Variants in UGT8 observed in about 807,000 individuals in gnomAD.
The protein encoded by UGT8 is UDP glycosyltransferase 8, also known as 2-hydroxyacylsphingosine 1-beta-galactosyltransferase.
Under a neutral mutation model 40.5 loss-of-function variants are expected in UGT8, and 12 were observed. The ratio of observed to expected loss-of-function variants is 0.30; its 90% CI spans 0.19 to 0.48. The LOEUF (loss-of-function observed/expected upper bound fraction) is 0.48, where lower values mean the gene tolerates loss of function less well. Among genes scored for constraint, UGT8 ranks in the 20% least tolerant of loss-of-function variants. UGT8 has a pLI of 0.99. For synonymous variants in UGT8, 224 were observed against 240.4 expected (o/e 0.93, Z 0.63); for missense variants, 513 against 648.7 (o/e 0.79, Z 2.27).
intron 2 of UGT8, among the ~76,000 whole-genome samples, chr4:114,637,236 C>G (rs1199229796): frequency 1.3e-5 from 2 of 152,154 alleles, no homozygotes; most frequent in African/African-American, 4.8e-5. Flanking sequence ...CATCTCACAT[C>G]TCACGGTCTT....
chr4:114,620,195 C>A (rs79141935), intron 1 of UGT8, among the ~76,000 whole-genome samples: 5 of 152,138 alleles, frequency 3.3e-5, no homozygotes, highest in Non-Finnish European at 7.4e-5. Flanking sequence ...GTAGTTTTAA[C>A]TGTAACTGAA....
At chr4:114,630,511 C>T (rs1211094382) in intron 2 of UGT8, among the ~76,000 whole-genome samples, 3 of 152,118 alleles carry the variant, frequency 2.0e-5, no homozygotes, top group Admixed American at 6.5e-5. Context: ...TTCTTATTTT[C>T]CACATGCTGA....
intron 2 of UGT8, chr4:114,656,849 A>G (rs1194285812): frequency 7.8e-6 from 4 of 510,352 alleles, no homozygotes; most frequent in Non-Finnish European, 1.6e-5. Context: ...CCCCATATCT[A>G]CTTACTGTAG....
intron 2 of UGT8, among the ~76,000 whole-genome samples, chr4:114,649,957 T>A (rs940479150): frequency 2.0e-5 from 3 of 152,240 alleles, no homozygotes; most frequent in African/African-American, 7.2e-5. Flanking sequence ...TAAACACTGA[T>A]ATAAAATTAT....
chr4:114,638,920 TG>T (rs1438847964), intron 2 of UGT8, among the ~76,000 whole-genome samples: 1 of 152,210 alleles, frequency 6.6e-6, no homozygotes, highest in Non-Finnish European at 1.5e-5. Flanking sequence ...TTTCCTAATA[TG>T]GTGGGGATCT....
intron 2 of UGT8, among the ~76,000 whole-genome samples, chr4:114,640,337 T>C (rs1462045133): frequency 6.6e-6 from 1 of 152,074 alleles, no homozygotes; most frequent in Non-Finnish European, 1.5e-5. Context: ...GCCAAAAATA[T>C]GTTTTTTAGA....
At chr4:114,607,785 TG>T (rs954040042) in intron 1 of UGT8, among the ~76,000 whole-genome samples, 23 of 152,150 alleles carry the variant, frequency 1.5e-4, no homozygotes, top group African/African-American at 5.5e-4. Context: ...ATGTCCTTCA[TG>T]AAGACCTTCT....
At chr4:114,613,994 T>C (rs1256174785) in intron 1 of UGT8, among the ~76,000 whole-genome samples, 1 of 152,190 alleles carries the variant, frequency 6.6e-6, no homozygotes, top group Non-Finnish European at 1.5e-5. Context: ...ATATTCGTAT[T>C]ATCTTATTTT....
chr4:114,606,087 C>CACA (rs1044021930), intron 1 of UGT8, among the ~76,000 whole-genome samples: 1 of 151,840 alleles, frequency 6.6e-6, no homozygotes, highest in Non-Finnish European at 1.5e-5. Flanking sequence ...CAGATACACA[C>CACA]ACAACAACAA....
intron 2 of UGT8, among the ~76,000 whole-genome samples, chr4:114,643,464 A>G (rs1175752531): frequency 6.6e-6 from 1 of 152,190 alleles, no homozygotes; most frequent in Non-Finnish European, 1.5e-5. Flanking sequence ...TGGGGATTAG[A>G]AAAAATGTTA....
At chr4:114,627,958 C>T (rs1732340367) in intron 2 of UGT8, among the ~76,000 whole-genome samples, 1 of 152,098 alleles carries the variant, frequency 6.6e-6, no homozygotes, top group Non-Finnish European at 1.5e-5. Flanking sequence ...ATGGTTGGTA[C>T]TCAATAAAAC....
chr4:114,641,729 T>C (rs1733236333), intron 2 of UGT8, among the ~76,000 whole-genome samples: 1 of 151,906 alleles, frequency 6.6e-6, no homozygotes, highest in South Asian at 2.1e-4. Context: ...GAGAGGAGAA[T>C]GGAACAGAAA....
intron 2 of UGT8, among the ~76,000 whole-genome samples, chr4:114,649,135 A>C (rs1344630588): frequency 6.6e-6 from 1 of 152,174 alleles, no homozygotes; most frequent in Non-Finnish European, 1.5e-5. Flanking sequence ...TCTGATCCCT[A>C]GGGTACTAGA....
intron 5 of UGT8, among the ~76,000 whole-genome samples, chr4:114,668,835 C>T (rs1338700741): frequency 6.6e-6 from 1 of 152,152 alleles, no homozygotes; most frequent in Non-Finnish European, 1.5e-5. Flanking sequence ...TTTATTTACT[C>T]AGGTGAATGA....
rs574407275 is a variant in UGT8, at chr4:114,660,389, T to G, written c.823-3606T>G. Among the ~76,000 whole-genome samples, 5 of 152,274 alleles carry G rather than the reference T, an allele frequency of 3.3e-5. No individual in the cohort carries two copies. In the South Asian group the frequency reaches 1.0e-3, roughly 32 times the overall value. On this transcript the variant is annotated intron_variant, in intron 2 of 5. Coordinates refer to ENST00000310836, the MANE Select transcript of UGT8 (RefSeq NM_001128174.3). ...AACAATTTGAATTTGTTTCTCTGAT[T>G]ATTCATGTGAAACAAAGGTTCTTTT...
In UGT8 at chr4:114,626,182, T is replaced by TA. The variant is rs377714823; in HGVS notation, c.822+2481dup. Among the ~76,000 whole-genome samples the TA allele has an allele frequency of 1.1e-3, 163 of 152,340 alleles. 1 individual carries two copies. The highest frequency in any genetic ancestry group is 3.0e-3 in the African/African-American group (125 of 41,580). ...GGTATTCCTTATTCTGGTGTGGTTT[T>TA]ATATGCTTATGAACACATGTTCCCA... On this transcript the variant is annotated intron_variant, in intron 2 of 5. Transcript: ENST00000310836.
At chr4:114,624,669 T>C (rs1160570737) in intron 2 of UGT8, among the ~76,000 whole-genome samples, 1 of 152,208 alleles carries the variant, frequency 6.6e-6, no homozygotes, top group African/African-American at 2.4e-5. Context: ...TTTTCTCGTA[T>C]AGATGAGGAC....
intron 1 of UGT8, chr4:114,619,321 A>G (rs368119643): frequency 2.6e-5 from 4 of 152,066 alleles, no homozygotes; most frequent in Non-Finnish European, 5.9e-5. Context: ...CAAATATTCT[A>G]TGTTGGTAAT....
intron 5 of UGT8, among the ~76,000 whole-genome samples, chr4:114,668,856 T>C (rs544088315): frequency 6.6e-6 from 1 of 152,284 alleles, no homozygotes; most frequent in East Asian, 1.9e-4. Flanking sequence ...TGAAGCAGAA[T>C]CTTTATTTTG....
Sources: gnomAD v4.1 joint callset for allele counts (sites outside exome capture counted in the v4.1 genomes callset) on GRCh38, gnomAD v4.1.1 for gene constraint, MANE v1.5 for transcripts, NCBI Gene and HGNC (gene_info 2026-07-23, HGNC 2026-07-21) for gene names.